MATN2: variants seen among roughly 807,000 people sequenced by gnomAD.
MATN2 encodes the protein matrilin 2, also known as matrilin-2.
Under a neutral mutation model 103.2 loss-of-function variants are expected in MATN2, and 69 were observed. That is an observed-to-expected ratio of 0.67 (90% CI 0.55 to 0.82). MATN2 has a LOEUF of 0.82. Ranked by LOEUF, MATN2 falls within the 40% of genes least tolerant of loss-of-function variation. The pLI is 0.00. For missense variants in MATN2, 1,023 were observed against 1,211.5 expected (o/e 0.84, Z 2.31); for synonymous variants, 429 against 450.2 (o/e 0.95, Z 0.60).
chr8:98,029,670 T>C (rs1036767359), intron 14 of MATN2, among the ~76,000 whole-genome samples: 1 of 152,234 alleles, frequency 6.6e-6, no homozygotes, highest in Non-Finnish European at 1.5e-5. Context: ...ATCACAACTC[T>C]TGCCCCTTGT....
rs1461797549 is a variant in MATN2 at position 97,888,330 on chromosome 8, G to A, written c.142+88G>A. Reference sequence around the variant, plus strand: ...ACAGGGATTGGTGACTGTTTGAGAAGCTTTCCTTTCCCTGGGTCCTTGTTG... The same window carrying A: ...ACAGGGATTGGTGACTGTTTGAGAAACTTTCCTTTCCCTGGGTCCTTGTTG... On this transcript the variant is annotated intron_variant, in intron 2 of 18. Coordinates refer to ENST00000254898, the MANE Select transcript of MATN2 (RefSeq NM_002380.5). 3.0e-6 allele frequency: 4 copies of A among 1,350,124 alleles called. No homozygotes were observed. In the African/African-American group the frequency reaches 6.0e-5, roughly 20 times the overall value. The allele number at this position is 1,350,124 out of a possible 1,614,324, so 83.6% of individuals were successfully genotyped here. A position where few individuals can be genotyped will look rare whatever the true frequency, so the allele number is the denominator to read the frequency against.
chr8:98,016,685 T>G (rs778345817), intron 11 of MATN2, 23 bp downstream of exon 11: 75 of 1,606,016 alleles, frequency 4.7e-5, no homozygotes, highest in Non-Finnish European at 6.0e-5. Flanking sequence ...TGGAGCTGGC[T>G]CCTACTACTA....
chr8:97,995,099 A>G (rs752393333), intron 7 of MATN2, among the ~76,000 whole-genome samples: 2 of 152,210 alleles, frequency 1.3e-5, no homozygotes, highest in Non-Finnish European at 2.9e-5. Context: ...GCGGGTTGAT[A>G]TTGTGGATGT....
At chr8:97,945,542 A>C (rs572818169) in intron 4 of MATN2, among the ~76,000 whole-genome samples, 24 of 151,962 alleles carry the variant, frequency 1.6e-4, no homozygotes, top group African/African-American at 5.3e-4. Context: ...TCCTCAGCCC[A>C]CTAATCCAGG....
At chr8:97,940,686 T>C (rs537882806) in intron 3 of MATN2, among the ~76,000 whole-genome samples, 2 of 152,366 alleles carry the variant, frequency 1.3e-5, no homozygotes, top group Non-Finnish European at 2.9e-5. Context: ...GACATCTTTT[T>C]TGTTTATGAG....
intron 17 of MATN2, 59 bp from the exon 18 acceptor site, chr8:98,033,502 T>C (rs1586178810): frequency 2.3e-6 from 2 of 870,524 alleles, no homozygotes; most frequent in Non-Finnish European, 3.5e-6. Context: ...TTCCTATTAT[T>C]ATGCGTCTGG....
chr8:97,994,460 T>G lies in MATN2; in HGVS notation c.1082-20T>G, dbSNP rs771608278. On this transcript the variant is annotated intron_variant, in intron 6 of 18. Coordinates refer to ENST00000254898, the MANE Select transcript of MATN2 (RefSeq NM_002380.5). ...TTTATTGATTGGTTTGCCATTCTTGTGATTTTTCCTTCTTGCCAGAGATAG... is the reference window on the plus strand; with the variant it reads ...TTTATTGATTGGTTTGCCATTCTTGGGATTTTTCCTTCTTGCCAGAGATAG... 4 of 1,592,752 alleles carry G rather than the reference T, an allele frequency of 2.5e-6. No individual in the cohort carries two copies. In the African/African-American group the frequency reaches 5.4e-5, roughly 22 times the overall value.
chr8:97,923,713 C>T (rs1378585061), intron 2 of MATN2, among the ~76,000 whole-genome samples: 2 of 152,084 alleles, frequency 1.3e-5, no homozygotes, highest in African/African-American at 4.8e-5. Flanking sequence ...CCTGCCACCA[C>T]GGCCGGCTAA....
intron 3 of MATN2, among the ~76,000 whole-genome samples, chr8:97,936,352 G>GC (rs2130163974): frequency 6.6e-6 from 1 of 152,084 alleles, no homozygotes; most frequent in South Asian, 2.1e-4. Flanking sequence ...TACCCTAATA[G>GC]CCCCACCCCA....
chr8:97,924,604 C>T (rs1809924371), intron 2 of MATN2, among the ~76,000 whole-genome samples: 2 of 152,160 alleles, frequency 1.3e-5, no homozygotes, highest in Non-Finnish European at 2.9e-5. Context: ...GGCCCTTGAC[C>T]GTACTGAACT....
At chr8:98,030,931 G>A (rs558538380) in intron 15 of MATN2, among the ~76,000 whole-genome samples, 59 of 152,212 alleles carry the variant, frequency 3.9e-4, no homozygotes, top group African/African-American at 1.4e-3. Flanking sequence ...CCAAAGTGCT[G>A]GGATTACAGG....
chr8:98,000,604 A>AAAAAAAAAAAG (rs1554613598), intron 7 of MATN2, among the ~76,000 whole-genome samples: 3 of 127,208 alleles, frequency 2.4e-5, no homozygotes, highest in Admixed American at 8.1e-5. Flanking sequence ...CTCAAAAAAA[A>AAAAAAAAAAAG]AAAAAAGAAA....
chr8:98,026,673 C>A (rs1010073709), intron 13 of MATN2, among the ~76,000 whole-genome samples: 3 of 152,014 alleles, frequency 2.0e-5, no homozygotes, highest in Admixed American at 6.6e-5. Flanking sequence ...TTTTTTGTGC[C>A]AAGTATTGGG....
chr8:97,961,354 G>A, intron 4 of MATN2, 54 bp from the exon 5 acceptor site: 2 of 1,532,948 alleles, frequency 1.3e-6, no homozygotes, highest in Non-Finnish European at 1.8e-6. Flanking sequence ...CCTGGGCTGG[G>A]AGCATTCTCA....
intron 8 of MATN2, among the ~76,000 whole-genome samples, chr8:98,006,864 C>T (rs1393432349): frequency 2.0e-5 from 3 of 152,142 alleles, no homozygotes; most frequent in East Asian, 1.9e-4. Flanking sequence ...GCAGGAGAAT[C>T]GCTTGAATCC....
At chr8:97,898,615 AT>A (rs1174027966) in intron 2 of MATN2, among the ~76,000 whole-genome samples, 3 of 151,636 alleles carry the variant, frequency 2.0e-5, no homozygotes, top group African/African-American at 2.4e-5. Context: ...AAAAAAAAAA[AT>A]AGTAGTGATG....
At position 97,945,357 on chromosome 8, in the gene MATN2, C is replaced by T. The variant is rs59194294; in HGVS notation, c.835+3458C>T. On this transcript the variant is annotated intron_variant, in intron 4 of 18. Coordinates refer to ENST00000254898, the MANE Select transcript of MATN2 (RefSeq NM_002380.5). ...CAAAATAAGGAACAAAAAGTTTAGA[C>T]GATTTACCCAAGCTCACATGGCTAG... Among the ~76,000 whole-genome samples, 214 of 152,208 alleles carry T rather than the reference C, an allele frequency of 1.4e-3. 2 individuals are homozygous for T. Among genetic ancestry groups the T allele is most frequent in the African/African-American group, 4.2e-3 (173 of 41,538 alleles).
chr8:97,912,602 G>A (rs992958753), intron 2 of MATN2, among the ~76,000 whole-genome samples: 4 of 152,178 alleles, frequency 2.6e-5, no homozygotes, highest in African/African-American at 4.8e-5. Context: ...ACAAGTCTGT[G>A]TCTAGGGGAG....
At chr8:98,012,879 T>C (rs1813219001) in intron 10 of MATN2, among the ~76,000 whole-genome samples, 1 of 152,226 alleles carries the variant, frequency 6.6e-6, no homozygotes, top group Non-Finnish European at 1.5e-5. Context: ...CCATCAGTTT[T>C]CTCATCTTTA....
Sources: allele counts gnomAD v4.1 joint callset (sites outside exome capture counted in the v4.1 genomes callset), GRCh38; gene constraint gnomAD v4.1.1; transcripts MANE v1.5; gene names NCBI Gene and HGNC (gene_info 2026-07-23, HGNC 2026-07-21).